The following AP3S2 variants were observed in gnomAD, a reference collection of about 807,000 sequenced individuals.
The protein encoded by AP3S2 is AP-3 complex subunit sigma-2.
In AP3S2, 22 loss-of-function variants were observed where a neutral mutation model predicts 23.4. That is an observed-to-expected ratio of 0.94 (90% CI 0.67 to 1.34). AP3S2 has a LOEUF of 1.34. Among genes scored for constraint, AP3S2 ranks in the 40% most tolerant of loss-of-function variants. The probability of loss-of-function intolerance (pLI) is 0.00; values close to 1 mark genes in which losing one functional copy is unlikely to be tolerated. For synonymous variants in AP3S2, 86 were observed against 87.1 expected (o/e 0.99, Z 0.07); for missense variants, 241 against 236.9 (o/e 1.02, Z -0.11).
intron 4 of AP3S2, chr15:89,845,737 G>C (rs1475996079): frequency 6.6e-6 from 1 of 152,156 alleles, no homozygotes; most frequent in South Asian, 2.1e-4. Flanking sequence ...TCATGTAAAT[G>C]GTATTCAAAA....
At chr15:89,863,384 C>A (rs1342714039) in intron 4 of AP3S2, among the ~76,000 whole-genome samples, 2 of 152,042 alleles carry the variant, frequency 1.3e-5, no homozygotes, top group East Asian at 3.9e-4. Context: ...ACTCCGAGAC[C>A]AGGGCATTCT....
chr15:89,888,714 G>A, intron 2 of AP3S2, 82 bp from the exon 3 acceptor site: 1 of 1,408,152 alleles, frequency 7.1e-7, no homozygotes, highest in Admixed American at 2.2e-5. Flanking sequence ...GAATGAGAAA[G>A]GACCCACTGG....
intron 1 of AP3S2, chr15:89,889,488 CT>C (rs1896770197): frequency 4.3e-6 from 1 of 230,142 alleles, no homozygotes; most frequent in East Asian, 1.0e-4. Flanking sequence ...AATATTTTGT[CT>C]TCCCCTGGAA....
intron 3 of AP3S2, among the ~76,000 whole-genome samples, chr15:89,880,357 G>A (rs1393197491): frequency 6.6e-6 from 1 of 152,104 alleles, no homozygotes; most frequent in Non-Finnish European, 1.5e-5. Flanking sequence ...CTGCCACAAA[G>A]GGGAAATAAC....
chr15:89,854,372 C>A (rs1296380576), intron 4 of AP3S2, among the ~76,000 whole-genome samples: 4 of 50,052 alleles, frequency 8.0e-5, no homozygotes, highest in African/African-American at 1.5e-4. Flanking sequence ...CCTGGCCAGC[C>A]GCCCCGTCCG....
intron 4 of AP3S2, among the ~76,000 whole-genome samples, chr15:89,867,853 C>T (rs1246614689): frequency 1.5e-4 from 20 of 129,264 alleles, no homozygotes; most frequent in African/African-American, 5.4e-4. Context: ...CCTCTCCGCC[C>T]GGCAGCCACC....
At chr15:89,879,773 T>G (rs1896527704) in intron 3 of AP3S2, among the ~76,000 whole-genome samples, 1 of 151,760 alleles carries the variant, frequency 6.6e-6, no homozygotes. Context: ...GCCTGGCTAA[T>G]TTTTTTGCAT....
chr15:89,846,766 T>A (rs1454123056), intron 4 of AP3S2, among the ~76,000 whole-genome samples: 3 of 152,188 alleles, frequency 2.0e-5, no homozygotes, highest in Non-Finnish European at 4.4e-5. Flanking sequence ...GACCTTGTGA[T>A]CCGCCTGCCT....
In AP3S2 at chr15:89,830,913, C is replaced by T. The variant is rs1462663830; in HGVS notation, c.*4602G>A. Reference sequence around the variant, plus strand: ...CGCCAGGGTCAAACGGAACACAACCCACTCTCAGGAAGACATCCCTAACAC... The same window carrying T: ...CGCCAGGGTCAAACGGAACACAACCTACTCTCAGGAAGACATCCCTAACAC... On this transcript the variant is annotated 3_prime_UTR_variant, in exon 6 of 6. Transcript: ENST00000336418. The T allele has an allele frequency of 1.3e-5, 2 of 152,076 alleles. No homozygotes were observed. The highest frequency in any genetic ancestry group is 4.8e-5 in the African/African-American group (2 of 41,380). 9.4% of individuals were successfully genotyped at this position (152,076 alleles called of 1,614,324 possible).
At chr15:89,893,603 C>A in intron 1 of AP3S2, 4 of 479,508 alleles carry the variant, frequency 8.3e-6, no homozygotes, top group South Asian at 3.2e-5. Flanking sequence ...ACTGTCGCTT[C>A]TATCTCGTTC....
chr15:89,841,925 C>A (rs1213962713), intron 4 of AP3S2, among the ~76,000 whole-genome samples: 1 of 151,842 alleles, frequency 6.6e-6, no homozygotes, highest in Non-Finnish European at 1.5e-5. Flanking sequence ...GGAAAAGGGC[C>A]TCCATGGACT....
At chr15:89,876,045 G>C (rs1359114656) in intron 3 of AP3S2, among the ~76,000 whole-genome samples, 1 of 152,172 alleles carries the variant, frequency 6.6e-6, no homozygotes, top group East Asian at 1.9e-4. Context: ...CTCGTGAAAG[G>C]CATCATCGTA....
intron 3 of AP3S2, among the ~76,000 whole-genome samples, chr15:89,883,462 T>A (rs1896620457): frequency 6.6e-6 from 1 of 151,814 alleles, no homozygotes; most frequent in Non-Finnish European, 1.5e-5. Flanking sequence ...GTGGCATGAA[T>A]ATGGCTCACT....
At chr15:89,856,030 G>A (rs903530310) in intron 4 of AP3S2, among the ~76,000 whole-genome samples, 13 of 150,768 alleles carry the variant, frequency 8.6e-5, no homozygotes, top group Admixed American at 2.0e-4. Flanking sequence ...GCACAAAGAG[G>A]TCTTTAAGAG....
intron 4 of AP3S2, among the ~76,000 whole-genome samples, chr15:89,862,903 T>C (rs1400598141): frequency 6.6e-6 from 1 of 152,204 alleles, no homozygotes; most frequent in African/African-American, 2.4e-5. Flanking sequence ...CATGAAAATT[T>C]TTTTTTAAAT....
In AP3S2 at chr15:89,880,673, C is replaced by CAA. The variant is rs11403473; in HGVS notation, c.273+7846_273+7847dup. ...TGGGCAACAGAGCAAGACTCCGTCT[C>CAA]AAAAAAAAAAAAAGAAACAATAAAT... is the stretch of plus-strand genomic sequence containing the variant. On this transcript the variant is annotated intron_variant, in intron 3 of 5. Transcript: ENST00000336418. Among the ~76,000 whole-genome samples, 257 of 136,950 alleles carry CAA rather than the reference C, an allele frequency of 1.9e-3. 4 individuals are homozygous for CAA. The highest frequency in any genetic ancestry group is 9.7e-3 in the East Asian group (47 of 4,838). 89.8% of individuals were successfully genotyped at this position (136,950 alleles called of 152,430 possible). A position where few individuals can be genotyped will look rare whatever the true frequency, so the allele number is the denominator to read the frequency against.
chr15:89,868,804 C>T (rs1414739890), intron 4 of AP3S2, among the ~76,000 whole-genome samples: 34 of 108,746 alleles, frequency 3.1e-4, no homozygotes, highest in African/African-American at 9.9e-4. Flanking sequence ...CCAGCCGCCC[C>T]GTCCGGGAGG....
rs773548963 is a variant in AP3S2, at chr15:89,837,681, C to T, written c.387G>A (p.Val129=). 1.9e-6 allele frequency: 3 copies of T among 1,614,164 alleles called. No individual in the cohort carries two copies. The highest frequency in any genetic ancestry group is 2.7e-5 in the African/African-American group (2 of 75,050). ...ILQEVVMGGM[V]LETNMNEIVA... ...CGATTTCATTCATGTTTGTTTCCAACACCATCCCACCCATCACCACCTCCT... is the reference window on the plus strand; with the variant it reads ...CGATTTCATTCATGTTTGTTTCCAATACCATCCCACCCATCACCACCTCCT... The change falls in exon 5 of 6, where the codon GTG becomes GTA. Residue 129 remains valine (V), a synonymous_variant. Transcript: ENST00000336418.
At chr15:89,844,011 G>C (rs531873566) in intron 4 of AP3S2, among the ~76,000 whole-genome samples, 2 of 152,196 alleles carry the variant, frequency 1.3e-5, no homozygotes, top group South Asian at 4.2e-4. Flanking sequence ...GGTAGAATAC[G>C]AACACTGATT....
Sources: gnomAD v4.1 joint callset for allele counts (sites outside exome capture counted in the v4.1 genomes callset) on GRCh38, gnomAD v4.1.1 for gene constraint, MANE v1.5 for transcripts, NCBI Gene and HGNC (gene_info 2026-07-23, HGNC 2026-07-21) for gene names.